Variants in REEP5 observed in about 807,000 individuals in gnomAD.
The protein encoded by REEP5 is receptor accessory protein 5.
REEP5 carries 24 observed loss-of-function variants against 22.4 expected under a neutral mutation model. The observed-to-expected ratio is 1.07, with a 90% CI of 0.78 to 1.51. REEP5 has a LOEUF of 1.51. Among genes scored for constraint, REEP5 ranks in the 40% most tolerant of loss-of-function variants. The pLI, the probability that REEP5 is intolerant of heterozygous loss-of-function variation, is 0.00. For synonymous variants in REEP5, 103 were observed against 88.6 expected, an observed-to-expected ratio of 1.16 and a Z score of -0.92; for missense variants, 252 against 233.0, an observed-to-expected ratio of 1.08 and a Z score of -0.53.
At chr5:112,912,513 T>A (rs1312775225) in intron 2 of REEP5, among the ~76,000 whole-genome samples, 1 of 152,218 alleles carries the variant, frequency 6.6e-6, no homozygotes, top group Non-Finnish European at 1.5e-5. Context: ...TAAGATGTCC[T>A]ATTGGTAAAG....
rs370549763 is a variant in REEP5 at position 112,878,889 on chromosome 5, T to C, written c.521-54A>G. On this transcript the variant is annotated intron_variant, in intron 4 of 4. Coordinates refer to ENST00000379638, the MANE Select transcript of REEP5 (RefSeq NM_005669.5). The stretch of plus-strand genomic sequence containing the variant: ...ATATATCAAAGCTCTTTCTTTGGAA[T>C]GCAAGCTTGCAAGCTTTGTGCCTAA... 195 of 1,613,078 alleles carry C rather than the reference T, an allele frequency of 1.2e-4. No individual in the cohort carries two copies. In the African/African-American group the frequency reaches 2.1e-3, roughly 17 times the overall value.
intron 2 of REEP5, among the ~76,000 whole-genome samples, chr5:112,905,188 G>C (rs1768926690): frequency 6.6e-6 from 1 of 152,286 alleles, no homozygotes; most frequent in South Asian, 2.1e-4. Flanking sequence ...TCAGGAACGT[G>C]AGGTTCAAAA....
chr5:112,885,614 A>G (rs1421228869), intron 4 of REEP5: 4 of 280,702 alleles, frequency 1.4e-5, no homozygotes, highest in Admixed American at 4.0e-5. Flanking sequence ...GTGTTCTTCA[A>G]ATGTCCTTCC....
At chr5:112,916,162 C>G (rs1769228509) in intron 2 of REEP5, among the ~76,000 whole-genome samples, 1 of 152,206 alleles carries the variant, frequency 6.6e-6, no homozygotes, top group Non-Finnish European at 1.5e-5. Flanking sequence ...AATGTGTCCT[C>G]CCTTTGTGTG....
At chr5:112,880,653 A>T (rs1768043798) in intron 4 of REEP5, among the ~76,000 whole-genome samples, 2 of 152,204 alleles carry the variant, frequency 1.3e-5, no homozygotes, top group Admixed American at 1.3e-4. Flanking sequence ...CTCCTAACTT[A>T]TTTTAATTCT....
In REEP5 at chr5:112,877,806, C is replaced by G. The variant is rs1482124743; in HGVS notation, c.*980G>C. The G allele has an allele frequency of 6.6e-6, 1 of 152,138 alleles. No homozygotes were observed. The highest frequency in any genetic ancestry group is 1.5e-5 in the Non-Finnish European group (1 of 68,020). The allele number at this position is 152,138 out of a possible 1,614,324, so 9.4% of individuals were successfully genotyped here. A position where few individuals can be genotyped will look rare whatever the true frequency, so the allele number is the denominator to read the frequency against. ...GACAAATCTTCAGAAGTTCCTTAAA[C>G]TGGTTTAAAAAAGAAGATTGGGAAA... On this transcript the variant is annotated 3_prime_UTR_variant, in exon 5 of 5. Transcript: ENST00000379638.
chr5:112,877,971 AC>A lies in REEP5; in HGVS notation c.*814del, dbSNP rs1277408567. The A allele has an allele frequency of 6.8e-6, 1 of 146,374 alleles. No homozygotes were observed. The highest frequency in any genetic ancestry group is 1.5e-5 in the Non-Finnish European group (1 of 66,854). The allele number at this position is 146,374 out of a possible 1,614,324, so 9.1% of individuals were successfully genotyped here. ...CTAGTTTTTCAGGGAATTGAGAGTT[AC>A]AGGTTACTCTGTGTGTGTGTGTGTG... On this transcript the variant is annotated 3_prime_UTR_variant, in exon 5 of 5. Coordinates refer to ENST00000379638, the MANE Select transcript of REEP5 (RefSeq NM_005669.5).
intron 2 of REEP5, among the ~76,000 whole-genome samples, chr5:112,910,141 A>T (rs1237858550): frequency 6.6e-6 from 1 of 152,202 alleles, no homozygotes; most frequent in Non-Finnish European, 1.5e-5. Context: ...CGTCTCTACT[A>T]AAAATACAAA....
At chr5:112,887,707 A>G (rs1452867988) in intron 3 of REEP5, among the ~76,000 whole-genome samples, 1 of 152,150 alleles carries the variant, frequency 6.6e-6, no homozygotes, top group Non-Finnish European at 1.5e-5. Flanking sequence ...CCTTCAAGGA[A>G]TCTTTACAGT....
At chr5:112,898,782 G>T (rs1347684752) in intron 3 of REEP5, among the ~76,000 whole-genome samples, 1 of 152,164 alleles carries the variant, frequency 6.6e-6, no homozygotes, top group African/African-American at 2.4e-5. Context: ...ATTAAAGATT[G>T]TAAGAATATT....
In REEP5 at chr5:112,887,120, G is replaced by A. The variant is rs747403967; in HGVS notation, c.415C>T (p.Arg139Cys). 2.1e-5 allele frequency: 34 copies of A among 1,613,346 alleles called. No individual in the cohort carries two copies. The South Asian group carries it at 2.5e-4, about 12-fold the overall frequency. Residue 139 changes from arginine (R) to cysteine (C), a missense_variant, in exon 4 of 5, where the codon CGC becomes TGC. Physicochemically the swap from Arg to Cys is radical, Grantham distance 180. Transcript: ENST00000379638. ...PSNGAELLYKRIIRPFFLKHE... is the reference protein window; with the variant it reads ...PSNGAELLYKCIIRPFFLKHE... ...TTCAGGAAGAAAGGACGGATGATGCGCTTGTAGAGCAGTTCAGCCCCATTA... is the reference window on the plus strand; with the variant it reads ...TTCAGGAAGAAAGGACGGATGATGCACTTGTAGAGCAGTTCAGCCCCATTA...
chr5:112,902,041 T>C (rs891651221), intron 3 of REEP5, among the ~76,000 whole-genome samples: 1 of 151,342 alleles, frequency 6.6e-6, no homozygotes, highest in African/African-American at 2.4e-5. Context: ...GAACTAAAAC[T>C]CAAGATACTA....
intron 3 of REEP5, chr5:112,892,525 T>G: frequency 1.2e-6 from 2 of 1,614,040 alleles, no homozygotes; most frequent in Non-Finnish European, 1.7e-6. Context: ...TAACGGACGA[T>G]GGTATGCAGG....
chr5:112,886,689 C>CA (rs1415202126), intron 4 of REEP5, among the ~76,000 whole-genome samples: 2 of 151,956 alleles, frequency 1.3e-5, no homozygotes, highest in East Asian at 1.9e-4. Flanking sequence ...AAGTATAATA[C>CA]AAAAAAATTA....
intron 3 of REEP5, chr5:112,892,307 A>G (rs770817305): frequency 1.2e-6 from 2 of 1,614,106 alleles, no homozygotes; most frequent in Non-Finnish European, 1.7e-6. Flanking sequence ...AGGAGGGATG[A>G]CTATGACCCT....
At chr5:112,896,314 A>T (rs1768678923) in intron 3 of REEP5, 1 of 152,472 alleles carries the variant, frequency 6.6e-6, no homozygotes, top group South Asian at 2.1e-4. Flanking sequence ...ACCTGAGGTC[A>T]GGAGTTTGAG....
intron 2 of REEP5, among the ~76,000 whole-genome samples, chr5:112,917,990 A>G (rs1222778947): frequency 6.6e-6 from 1 of 152,230 alleles, no homozygotes; most frequent in East Asian, 1.9e-4. Context: ...ATTTATAAGT[A>G]TCTAAATTAT....
intron 2 of REEP5, among the ~76,000 whole-genome samples, chr5:112,916,777 T>C (rs1263137780): frequency 2.0e-5 from 3 of 152,238 alleles, no homozygotes; most frequent in Non-Finnish European, 2.9e-5. Context: ...AATACCAGTT[T>C]CATCATCTGC....
intron 4 of REEP5, among the ~76,000 whole-genome samples, chr5:112,881,472 C>T (rs1255453375): frequency 6.6e-6 from 1 of 152,216 alleles, no homozygotes. Flanking sequence ...AATCTATATC[C>T]TCATCCATTC....
Sources: allele counts gnomAD v4.1 joint callset (sites outside exome capture counted in the v4.1 genomes callset), GRCh38; gene constraint gnomAD v4.1.1; transcripts MANE v1.5; gene names NCBI Gene and HGNC (gene_info 2026-07-23, HGNC 2026-07-21).